MRPS35: variants seen among roughly 807,000 people sequenced by gnomAD.
MRPS35 encodes small ribosomal subunit protein mS35.
MRPS35 carries 29 observed loss-of-function variants against 32.7 expected under a neutral mutation model. The ratio of observed to expected loss-of-function variants is 0.89; its 90% CI spans 0.66 to 1.21. The LOEUF (loss-of-function observed/expected upper bound fraction) is 1.21, where lower values mean the gene tolerates loss of function less well. Among genes scored for constraint, MRPS35 ranks in the 50% most tolerant of loss-of-function variants. The pLI is 0.00. For missense variants in MRPS35, 373 were observed against 383.8 expected, an observed-to-expected ratio of 0.97 and a Z score of 0.23; for synonymous variants, 148 against 139.3, an observed-to-expected ratio of 1.06 and a Z score of -0.44.
intron 5 of MRPS35, among the ~76,000 whole-genome samples, chr12:27,730,273 G>A (rs2061916518): frequency 6.6e-6 from 1 of 152,004 alleles, no homozygotes; most frequent in African/African-American, 2.4e-5. Context: ...GTTTATCTTG[G>A]GTGTGATGTT....
intron 7 of MRPS35, among the ~76,000 whole-genome samples, chr12:27,740,830 T>C (rs957754690): frequency 6.6e-6 from 1 of 152,184 alleles, no homozygotes; most frequent in African/African-American, 2.4e-5. Flanking sequence ...AGAATAATTA[T>C]TTCAGTGCTG....
chr12:27,710,991 G>C (rs1184318659), intron 1 of MRPS35, 36 bp downstream of exon 1: 7 of 1,581,208 alleles, frequency 4.4e-6, no homozygotes, highest in Non-Finnish European at 6.0e-6. Flanking sequence ...GGCTTTGGGG[G>C]AGGTGCAAGA....
chr12:27,744,176 T>C (rs4931370), intron 7 of MRPS35, among the ~76,000 whole-genome samples: 142,701 of 152,290 alleles, frequency 0.94, 66,905 homozygotes, highest in East Asian at 1. Flanking sequence ...GTCTTAGTCA[T>C]GGATTGTTCC....
chr12:27,726,316 C>G (rs1277281730), intron 5 of MRPS35, among the ~76,000 whole-genome samples: 1 of 152,074 alleles, frequency 6.6e-6, no homozygotes, highest in Non-Finnish European at 1.5e-5. Flanking sequence ...TCTGTTGTAG[C>G]ATGTATTATT....
chr12:27,717,847 T>C (rs2061857267), intron 3 of MRPS35, among the ~76,000 whole-genome samples: 1 of 152,234 alleles, frequency 6.6e-6, no homozygotes, highest in African/African-American at 2.4e-5. Context: ...AATGGTGTCA[T>C]TGAATAAGCT....
chr12:27,747,404 A>G (rs2061985054), intron 7 of MRPS35, among the ~76,000 whole-genome samples: 2 of 152,180 alleles, frequency 1.3e-5, no homozygotes, highest in Non-Finnish European at 2.9e-5. Context: ...ATTCATCTTT[A>G]TATTGCATTC....
At chr12:27,716,948 G>A (rs540536823) in intron 3 of MRPS35, among the ~76,000 whole-genome samples, 6 of 152,130 alleles carry the variant, frequency 3.9e-5, no homozygotes, top group East Asian at 1.9e-4. Flanking sequence ...CCGAGATGGC[G>A]CCACTGCACT....
At chr12:27,738,107 A>G (rs1405377176) in intron 7 of MRPS35, among the ~76,000 whole-genome samples, 1 of 152,190 alleles carries the variant, frequency 6.6e-6, no homozygotes, top group Non-Finnish European at 1.5e-5. Flanking sequence ...TTCTTTTTCC[A>G]AAATGCTTGG....
intron 3 of MRPS35, 113 bp downstream of exon 3, chr12:27,716,571 A>T: frequency 5.2e-6 from 5 of 961,742 alleles, no homozygotes; most frequent in Non-Finnish European, 7.7e-6. Context: ...AGCTTAGTGT[A>T]TTTTAATTTA....
intron 7 of MRPS35, among the ~76,000 whole-genome samples, chr12:27,746,323 A>T (rs956186127): frequency 6.8e-6 from 1 of 146,400 alleles, no homozygotes; most frequent in Non-Finnish European, 1.5e-5. Flanking sequence ...AAAATCTGCA[A>T]CTTTTGAGCA....
In MRPS35 at chr12:27,716,430, C is replaced by T; in HGVS notation, c.293C>T (p.Ala98Val). The change falls in exon 3 of 8, where the codon GCA (alanine) becomes GTA (valine). Residue 98 changes from alanine (A) to valine (V), a missense_variant. Physicochemically the swap from Ala to Val is moderately conservative, Grantham distance 64. Transcript: ENST00000081029. Reference protein sequence around the residue: ...GYPVKKGVPMAKEGNLELLKI... With the variant: ...GYPVKKGVPMVKEGNLELLKI... ...CCAGTAAAAAAGGGCGTGCCCATGGCAAAGGAGGGAAATCTAGAACTTTTA... is the reference window on the plus strand; with the variant it reads ...CCAGTAAAAAAGGGCGTGCCCATGGTAAAGGAGGGAAATCTAGAACTTTTA... 1 of 1,614,026 alleles carries T rather than the reference C, an allele frequency of 6.2e-7. No individual in the cohort carries two copies. Among genetic ancestry groups the T allele is most frequent in the South Asian group, 1.1e-5 (1 of 91,062 alleles).
rs1444351493 is a variant in MRPS35 at position 27,755,694 on chromosome 12, A to G, written c.*244A>G. The G allele has an allele frequency of 7.2e-6, 2 of 277,514 alleles. No individual in the cohort carries two copies. Among genetic ancestry groups the G allele is most frequent in the South Asian group, 1.1e-4 (1 of 9,088 alleles). 17.2% of individuals were successfully genotyped at this position (277,514 alleles called of 1,614,324 possible). ...TAAAGTGTTTTGATTTTATTTCTAC[A>G]TAATAGCTTTGGTATTCATGTATAT... On this transcript the variant is annotated 3_prime_UTR_variant, in exon 8 of 8. Transcript: ENST00000081029.
intron 7 of MRPS35, among the ~76,000 whole-genome samples, chr12:27,744,982 G>A (rs2061977122): frequency 6.6e-6 from 1 of 152,088 alleles, no homozygotes; most frequent in Non-Finnish European, 1.5e-5. Flanking sequence ...GTGAGGCGGG[G>A]TCTCACTCTT....
chr12:27,716,523 A>G (rs2061851858), intron 3 of MRPS35, 65 bp downstream of exon 3: 41 of 1,524,512 alleles, frequency 2.7e-5, no homozygotes, highest in Non-Finnish European at 3.6e-5. Flanking sequence ...CTTCCCCCCT[A>G]TTTCTGCTCT....
intron 5 of MRPS35, among the ~76,000 whole-genome samples, chr12:27,729,439 T>A (rs1184301176): frequency 6.6e-6 from 1 of 152,150 alleles, no homozygotes; most frequent in Admixed American, 6.5e-5. Context: ...TTTTTCTTTT[T>A]GTCTTTTGCA....
At position 27,710,901 on chromosome 12, in the gene MRPS35, C is replaced by T; in HGVS notation, c.58C>T (p.Arg20Cys). Residue 20 changes from arginine (R) to cysteine (C), a missense_variant, in exon 1 of 8, where the codon CGT becomes TGT. Arg to Cys is a radical substitution (Grantham distance 180). Coordinates refer to ENST00000081029, the MANE Select transcript of MRPS35 (RefSeq NM_021821.4). ...TCTGCAGTCGAGGGCAAGGACTCTGCGTGCATTCTCCACTGCCGTCTACTC... is the reference window on the plus strand; with the variant it reads ...TCTGCAGTCGAGGGCAAGGACTCTGTGTGCATTCTCCACTGCCGTCTACTC... ...LSLQSRARTL[R>C]AFSTAVYSAT... 1 of 1,612,996 alleles carries T rather than the reference C, an allele frequency of 6.2e-7. No homozygotes were observed. Among genetic ancestry groups the T allele is most frequent in the South Asian group, 1.1e-5 (1 of 91,078 alleles).
At chr12:27,723,701 G>A (rs2061886664) in intron 4 of MRPS35, among the ~76,000 whole-genome samples, 1 of 152,108 alleles carries the variant, frequency 6.6e-6, no homozygotes, top group Non-Finnish European at 1.5e-5. Flanking sequence ...TGGGCACTAT[G>A]AACTGTTTGC....
At position 27,756,095 on chromosome 12, in the gene MRPS35, G is replaced by A. The variant is rs1591805729; in HGVS notation, c.*645G>A. 6.6e-6 allele frequency: 1 copy of A among 152,234 alleles called. No homozygotes were observed. The highest frequency in any genetic ancestry group is 1.5e-5 in the Non-Finnish European group (1 of 68,046). The allele number at this position is 152,234 out of a possible 1,614,324, so 9.4% of individuals were successfully genotyped here. On this transcript the variant is annotated 3_prime_UTR_variant, in exon 8 of 8. Coordinates refer to ENST00000081029, the MANE Select transcript of MRPS35 (RefSeq NM_021821.4). ...TATCTCTCTGGGTGCCCCAGTTAGA[G>A]CTGCCACAGCTCAGGAAAAAGATGA...
In MRPS35 at chr12:27,724,203, T is replaced by A; in HGVS notation, c.522+17T>A. On this transcript the variant is annotated intron_variant, in intron 5 of 7. Coordinates refer to ENST00000081029, the MANE Select transcript of MRPS35 (RefSeq NM_021821.4). Reference sequence around the variant, plus strand: ...GTCTTAAGAGTAAGAGTTTTTTTCATTTTTTTTTTTTAAATAAGAATCATT... The same window carrying A: ...GTCTTAAGAGTAAGAGTTTTTTTCAATTTTTTTTTTTAAATAAGAATCATT... 1 of 801,124 alleles carries A rather than the reference T, an allele frequency of 1.2e-6. No individual in the cohort carries two copies. 49.6% of individuals were successfully genotyped at this position (801,124 alleles called of 1,614,324 possible).
Sources: allele counts gnomAD v4.1 joint callset (sites outside exome capture counted in the v4.1 genomes callset), GRCh38; gene constraint gnomAD v4.1.1; transcripts MANE v1.5; gene names NCBI Gene and HGNC (gene_info 2026-07-23, HGNC 2026-07-21).